Variants in UBTF observed in about 807,000 individuals in gnomAD.
The protein encoded by UBTF is nucleolar transcription factor 1.
In UBTF, 8 loss-of-function variants were observed where a neutral mutation model predicts 112.3. The observed-to-expected ratio is 0.07, with a 90% confidence interval of 0.04 to 0.13. UBTF has a LOEUF of 0.13. UBTF is among the 10% of genes least tolerant of loss of function. The pLI is 1.00. For missense variants in UBTF, 457 were observed against 982.1 expected (o/e 0.47, Z 7.15); for synonymous variants, 417 against 373.1 (o/e 1.12, Z -1.36).
upstream of UBTF, among the ~76,000 whole-genome samples, chr17:44,220,223 G>A (rs1345262426): frequency 6.6e-6 from 1 of 151,930 alleles, no homozygotes; most frequent in African/African-American, 2.4e-5. Flanking sequence ...GCGAGGGAGG[G>A]CCGAGGTGCG....
At chr17:44,214,427 C>G (rs2046741907) in intron 5 of UBTF, among the ~76,000 whole-genome samples, 1 of 152,214 alleles carries the variant, frequency 6.6e-6, no homozygotes, top group Non-Finnish European at 1.5e-5. Context: ...AGTGGCAGAG[C>G]CAGGAGAACA....
At chr17:44,214,459 A>G (rs982589912) in intron 5 of UBTF, among the ~76,000 whole-genome samples, 3 of 152,224 alleles carry the variant, frequency 2.0e-5, no homozygotes, top group Non-Finnish European at 2.9e-5. Context: ...TGTGTCCCCC[A>G]GGACAGCACC....
chr17:44,211,760 CGG>C lies in UBTF; in HGVS notation c.906-15_906-14del, dbSNP rs2056690305. On this transcript the variant is annotated splice_polypyrimidine_tract_variant and intron_variant, in intron 9 of 20. Transcript: ENST00000436088. The surrounding 1 kb of genome is among the most constrained non-coding windows in gnomAD (Gnocchi z 4.9). The stretch of plus-strand genomic sequence containing the variant: ...CGAGTAGCTGTTCCTATCAGAGCCG[CGG>C]GGAGAGAGGTGCAGCCCGTAAGCGA... The C allele has an allele frequency of 3.7e-6, 6 of 1,603,280 alleles. No individual in the cohort carries two copies. Among genetic ancestry groups the C allele is most frequent in the Non-Finnish European group, 5.1e-6 (6 of 1,177,616 alleles).
intron 7 of UBTF, 119 bp downstream of exon 7, chr17:44,212,700 C>T: frequency 6.5e-7 from 1 of 1,529,206 alleles, no homozygotes; most frequent in Non-Finnish European, 8.8e-7. Context: ...CCATGCAGCC[C>T]ACCCCTGGGG....
chr17:44,211,432 G>C lies in UBTF; in HGVS notation c.1048-101C>G. On this transcript the variant is annotated intron_variant, in intron 10 of 20. Coordinates refer to ENST00000436088, the MANE Select transcript of UBTF (RefSeq NM_014233.4). This position sits in a 1 kb window ranked among gnomAD's most constrained non-coding sequence, Gnocchi z 4.9. ...ACCTTCAGCGGGCCTCCAGAGCCTG[G>C]GTGTGGGCTGGACTCCCTGCCTGGA... 6.3e-7 allele frequency: 1 copy of C among 1,575,626 alleles called. No individual in the cohort carries two copies. Among genetic ancestry groups the C allele is most frequent in the Middle Eastern group, 2.2e-4 (1 of 4,460 alleles).
At chr17:44,218,545 T>G in intron 1 of UBTF, 1 of 217,688 alleles carries the variant, frequency 4.6e-6, no homozygotes, top group East Asian at 1.1e-4. Context: ...TGCTCCTAGC[T>G]CCCGCGTGCA....
intron 6 of UBTF, 124 bp from the exon 7 acceptor site, chr17:44,213,063 G>A: frequency 6.5e-7 from 1 of 1,543,638 alleles, no homozygotes; most frequent in Non-Finnish European, 8.8e-7. Context: ...GTGGCTGCCT[G>A]CCTGTCTCTG....
At chr17:44,210,574 G>C (rs759658227) in intron 13 of UBTF, 101 bp from the exon 14 acceptor site, 25 of 1,440,010 alleles carry the variant, frequency 1.7e-5, no homozygotes, top group Non-Finnish European at 2.2e-5. Context: ...AGAAGCATGG[G>C]CTGGTGCAGA....
At chr17:44,220,330 C>G (rs987661291), upstream of UBTF, among the ~76,000 whole-genome samples, 5 of 151,968 alleles carry the variant, frequency 3.3e-5, no homozygotes, top group African/African-American at 1.2e-4. Context: ...GTTCTCCCAG[C>G]TCAGACTAGG....
intron 1 of UBTF, among the ~76,000 whole-genome samples, chr17:44,218,727 G>A (rs1489586177): frequency 2.6e-5 from 4 of 151,568 alleles, no homozygotes; most frequent in Admixed American, 2.0e-4. Flanking sequence ...ACGCGCCCCA[G>A]TCTCCTCCTC....
At chr17:44,218,798 CAGCCGCCGCCAGCCCCGGAGCGG>C (rs1202088671) in intron 1 of UBTF, among the ~76,000 whole-genome samples, 5 of 150,658 alleles carry the variant, frequency 3.3e-5, no homozygotes, top group African/African-American at 2.4e-5. Flanking sequence ...GGACGCAGCG[CAGCCGCCGCCAGCCCCGGAGCGG>C]AGCGGCCGCA....
In UBTF at chr17:44,219,578, A is replaced by C; in HGVS notation, c.-201T>G. 6.2e-6 allele frequency: 1 copy of C among 160,744 alleles called. No individual in the cohort carries two copies. Among genetic ancestry groups the C allele is most frequent in the Non-Finnish European group, 1.3e-5 (1 of 77,044 alleles). The allele number at this position is 160,744 out of a possible 1,614,324, so 10.0% of individuals were successfully genotyped here. Reference sequence around the variant, plus strand: ...GCGGCAGCGGCTCCTCCTCCGGGCGAGGCGGCGGCGCTGGGGCGGCGGCTG... The same window carrying C: ...GCGGCAGCGGCTCCTCCTCCGGGCGCGGCGGCGGCGCTGGGGCGGCGGCTG... On this transcript the variant is annotated 5_prime_UTR_variant, in exon 1 of 21. Coordinates refer to ENST00000436088, the MANE Select transcript of UBTF (RefSeq NM_014233.4).
At chr17:44,208,899 T>C (rs2056456174) in intron 17 of UBTF, 2 of 358,616 alleles carry the variant, frequency 5.6e-6, no homozygotes, top group South Asian at 3.9e-5. Context: ...AAAAGGGTGA[T>C]AGTGGCTGCG....
rs2056654605 is a variant in UBTF, at chr17:44,211,206, T to C, written c.1090-54A>G. On this transcript the variant is annotated intron_variant, in intron 11 of 20. Transcript: ENST00000436088. This position sits in a 1 kb window ranked among gnomAD's most constrained non-coding sequence, Gnocchi z 4.9. ...CATGCCTGGCACCCAGACTGCATGGTGCCCTATCTCCAGGGGCTCACCAGG... is the reference window on the plus strand; with the variant it reads ...CATGCCTGGCACCCAGACTGCATGGCGCCCTATCTCCAGGGGCTCACCAGG... 1.2e-6 allele frequency: 2 copies of C among 1,613,322 alleles called. No homozygotes were observed. The highest frequency in any genetic ancestry group is 1.3e-5 in the African/African-American group (1 of 74,946).
chr17:44,211,461 G>A lies in UBTF; in HGVS notation c.1048-130C>T. 2 of 1,559,250 alleles carry A rather than the reference G, an allele frequency of 1.3e-6. No homozygotes were observed. Among genetic ancestry groups the A allele is most frequent in the South Asian group, 2.3e-5 (2 of 88,010 alleles). On this transcript the variant is annotated intron_variant, in intron 10 of 20. Transcript: ENST00000436088. This position sits in a 1 kb window ranked among gnomAD's most constrained non-coding sequence, Gnocchi z 4.9. ...TGGGCTGGACTCCCTGCCTGGACGG[G>A]CTCAGTTGCTAAGCCCAGCCCAGCC...
intron 3 of UBTF, 180 bp downstream of exon 3, chr17:44,216,347 CTT>C (rs2046845436): frequency 2.8e-6 from 2 of 717,742 alleles, no homozygotes; most frequent in African/African-American, 1.8e-5. Flanking sequence ...AGTGGCATAA[CTT>C]TAAGCCAGTG....
At chr17:44,214,774 CTT>C (rs1213558236) in intron 5 of UBTF, among the ~76,000 whole-genome samples, 1 of 152,156 alleles carries the variant, frequency 6.6e-6, no homozygotes, top group Admixed American at 6.5e-5. Flanking sequence ...CTGTGTATGA[CTT>C]TGTTTCCTCT....
At position 44,212,010 on chromosome 17, in the gene UBTF, C is replaced by A. The variant is rs753473580; in HGVS notation, c.772-4G>T. The A allele has an allele frequency of 6.2e-7, 1 of 1,611,610 alleles. No homozygotes were observed. The highest frequency in any genetic ancestry group is 8.5e-7 in the Non-Finnish European group (1 of 1,179,142). On this transcript the variant is annotated splice_region_variant and splice_polypyrimidine_tract_variant and intron_variant, in intron 8 of 20. Transcript: ENST00000436088. ...GGATATAGTCTCTCATGATCTCCTG[C>A]AGAGCCAGGTGGGGGGACGGAGGGC...
At chr17:44,213,475 T>A in intron 5 of UBTF, 193 bp from the exon 6 acceptor site, 1 of 570,118 alleles carries the variant, frequency 1.8e-6, no homozygotes, top group Non-Finnish European at 3.1e-6. Flanking sequence ...CCACAGATGG[T>A]GGGAGCTGCA....
Sources: allele counts gnomAD v4.1 joint callset (sites outside exome capture counted in the v4.1 genomes callset), GRCh38; gene constraint gnomAD v4.1.1; non-coding constraint Gnocchi (gnomAD v3.1); transcripts MANE v1.5; gene names NCBI Gene and HGNC (gene_info 2026-07-23, HGNC 2026-07-21).